WDFY2: variants seen among roughly 807,000 people sequenced by gnomAD.
WDFY2 encodes WD repeat and FYVE domain-containing protein 2.
Under a neutral mutation model 56.4 loss-of-function variants are expected in WDFY2, and 36 were observed. The ratio of observed to expected loss-of-function variants is 0.64; its 90% CI spans 0.49 to 0.84. The LOEUF is 0.84. WDFY2 is among the 40% of genes least tolerant of loss of function. The probability of loss-of-function intolerance (pLI) is 0.00; values close to 1 mark genes in which losing one functional copy is unlikely to be tolerated. For missense variants in WDFY2, 444 were observed against 512.2 expected, an observed-to-expected ratio of 0.87 and a Z score of 1.29; for synonymous variants, 176 against 183.7, an observed-to-expected ratio of 0.96 and a Z score of 0.34.
intron 1 of WDFY2, among the ~76,000 whole-genome samples, chr13:51,612,775 C>T (rs536570962): frequency 7.2e-5 from 11 of 152,268 alleles, no homozygotes; most frequent in African/African-American, 2.6e-4. Flanking sequence ...TGACTTTCTT[C>T]TCTGTTTTCT....
intron 2 of WDFY2, among the ~76,000 whole-genome samples, chr13:51,672,655 A>G (rs551650070): frequency 1.3e-5 from 2 of 152,208 alleles, no homozygotes; most frequent in Admixed American, 1.3e-4. Context: ...CATTTTCACA[A>G]TATTGATTCT....
intron 2 of WDFY2, among the ~76,000 whole-genome samples, chr13:51,662,496 A>G (rs182539834): frequency 1.3e-5 from 2 of 152,286 alleles, no homozygotes; most frequent in Non-Finnish European, 2.9e-5. Context: ...AGATAAGATG[A>G]GCGTTAATAG....
chr13:51,665,398 G>A (rs1955682290), intron 2 of WDFY2, among the ~76,000 whole-genome samples: 1 of 152,216 alleles, frequency 6.6e-6, no homozygotes, highest in African/African-American at 2.4e-5. Context: ...AGCCATAAAT[G>A]TGATTATTTG....
At chr13:51,612,568 C>G (rs141915217) in intron 1 of WDFY2, among the ~76,000 whole-genome samples, 2 of 152,190 alleles carry the variant, frequency 1.3e-5, no homozygotes, top group East Asian at 1.9e-4. Context: ...ATACATATGC[C>G]AAAAAGTGTA....
rs866743986 is a variant in WDFY2, at chr13:51,752,987, G to T, written c.831+1572G>T. The T allele has an allele frequency of 3.9e-5, 6 of 152,322 alleles. 2 individuals are homozygous for T. In the Middle Eastern group the frequency reaches 0.02, roughly 518 times the overall value. The allele number at this position is 152,322 out of a possible 1,614,324, so 9.4% of individuals were successfully genotyped here. ...ACAGACTTTCTGGAAGAAAAGGCTT[G>T]TAGGAGGAAACTTCAGAATTCTATT... On this transcript the variant is annotated intron_variant, in intron 8 of 11. Coordinates refer to ENST00000298125, the MANE Select transcript of WDFY2 (RefSeq NM_052950.4).
chr13:51,607,831 T>C (rs1230652600), intron 1 of WDFY2, among the ~76,000 whole-genome samples: 1 of 152,168 alleles, frequency 6.6e-6, no homozygotes, highest in African/African-American at 2.4e-5. Flanking sequence ...TTATGTTACA[T>C]GTAAAAGAGA....
chr13:51,703,567 T>G (rs777339358), intron 3 of WDFY2, 29 bp from the exon 4 acceptor site: 20 of 1,511,860 alleles, frequency 1.3e-5, no homozygotes, highest in Admixed American at 1.9e-5. Context: ...GAATTTATTT[T>G]TGTTTAATAG....
At chr13:51,631,346 G>C (rs1364959153) in intron 1 of WDFY2, among the ~76,000 whole-genome samples, 1 of 150,848 alleles carries the variant, frequency 6.6e-6, no homozygotes, top group Non-Finnish European at 1.5e-5. Flanking sequence ...AGCCATGATG[G>C]TGTCATCGCA....
chr13:51,642,975 C>T (rs1198813740), intron 1 of WDFY2, among the ~76,000 whole-genome samples: 2 of 152,210 alleles, frequency 1.3e-5, no homozygotes, highest in African/African-American at 4.8e-5. Context: ...TGCGCCCAGC[C>T]ATGTGGCCAT....
At chr13:51,732,786 C>T (rs1482281005) in intron 6 of WDFY2, among the ~76,000 whole-genome samples, 1 of 152,206 alleles carries the variant, frequency 6.6e-6, no homozygotes, top group Non-Finnish European at 1.5e-5. Context: ...CATAGTCAGT[C>T]ATCCGCTCTC....
rs535468119 is a variant in WDFY2 at position 51,620,949 on chromosome 13, C to T, written c.137+36125C>T. Among the ~76,000 whole-genome samples the T allele has an allele frequency of 5.3e-5, 8 of 152,336 alleles. No individual in the cohort carries two copies. The East Asian group carries it at 7.7e-4, about 15-fold the overall frequency. On this transcript the variant is annotated intron_variant, in intron 1 of 11. Coordinates refer to ENST00000298125, the MANE Select transcript of WDFY2 (RefSeq NM_052950.4). ...CTGTTCCAGGCTTTCCCTCTGTCCTCATCCTGTCAGAATAGTACTGCCTGC... is the reference window on the plus strand; with the variant it reads ...CTGTTCCAGGCTTTCCCTCTGTCCTTATCCTGTCAGAATAGTACTGCCTGC...
At chr13:51,745,589 A>G (rs1406071572) in intron 7 of WDFY2, among the ~76,000 whole-genome samples, 1 of 152,122 alleles carries the variant, frequency 6.6e-6, no homozygotes, top group Non-Finnish European at 1.5e-5. Flanking sequence ...CAGATAGCCC[A>G]GAAAAGTGTG....
intron 8 of WDFY2, among the ~76,000 whole-genome samples, chr13:51,754,634 G>C (rs1298666583): frequency 6.6e-6 from 1 of 152,178 alleles, no homozygotes; most frequent in Non-Finnish European, 1.5e-5. Flanking sequence ...TTCCCTGACT[G>C]TGAATTGCAT....
At chr13:51,757,657 T>TA (rs1383024145) in intron 10 of WDFY2, among the ~76,000 whole-genome samples, 1 of 151,294 alleles carries the variant, frequency 6.6e-6, no homozygotes, top group Non-Finnish European at 1.5e-5. Context: ...AAAGTATAGG[T>TA]AAAAAATAAT....
chr13:51,687,992 G>A (rs145811613), intron 3 of WDFY2, among the ~76,000 whole-genome samples: 24 of 152,250 alleles, frequency 1.6e-4, no homozygotes, highest in Non-Finnish European at 2.8e-4. Context: ...AAAGATAAAC[G>A]TAGTTTACTT....
intron 1 of WDFY2, among the ~76,000 whole-genome samples, chr13:51,611,132 C>T (rs1043504679): frequency 1.3e-5 from 2 of 152,220 alleles, no homozygotes; most frequent in African/African-American, 4.8e-5. Flanking sequence ...AGTGTAAGCA[C>T]CAACAAGGCA....
intron 3 of WDFY2, among the ~76,000 whole-genome samples, chr13:51,691,534 C>G (rs1030325885): frequency 3.3e-5 from 5 of 151,834 alleles, no homozygotes; most frequent in Non-Finnish European, 5.9e-5. Context: ...TCTGAGGGCT[C>G]TGTTCCGTTC....
In WDFY2 at chr13:51,584,745, A is replaced by T. The variant is rs370128285; in HGVS notation, c.58A>T (p.Met20Leu). The stretch of plus-strand genomic sequence containing the variant: ...CCGCAAGCCGATCCTGCTGCAGCGG[A>T]TGGAGGGGTCCCAGGAGGTGGTGAA... ...LTRKPILLQRMEGSQEVVNMA... is the reference protein window; with the variant it reads ...LTRKPILLQRLEGSQEVVNMA... The change falls in exon 1 of 12, where the codon ATG becomes TTG. Residue 20 changes from methionine (M) to leucine (L), a missense_variant. Coordinates refer to ENST00000298125, the MANE Select transcript of WDFY2 (RefSeq NM_052950.4). 109 of 1,613,704 alleles carry T rather than the reference A, an allele frequency of 6.8e-5. No homozygotes were observed. The highest frequency in any genetic ancestry group is 1.6e-4 in the Middle Eastern group (1 of 6,080).
At chr13:51,738,959 C>T in intron 6 of WDFY2, 90 bp from the exon 7 acceptor site, 2 of 1,336,030 alleles carry the variant, frequency 1.5e-6, no homozygotes, top group Non-Finnish European at 2.0e-6. Flanking sequence ...CCAGGAACTG[C>T]ACTAGGTTCT....
Sources: gnomAD v4.1 joint callset for allele counts (sites outside exome capture counted in the v4.1 genomes callset) on GRCh38, gnomAD v4.1.1 for gene constraint, MANE v1.5 for transcripts, NCBI Gene and HGNC (gene_info 2026-07-23, HGNC 2026-07-21) for gene names.